Variants in ANK3 observed in about 807,000 individuals in gnomAD.
ANK3 encodes ankyrin-3.
A neutral mutation model predicts 370.9 loss-of-function variants in ANK3; 57 were observed. That is an observed-to-expected ratio of 0.15 (90% CI 0.12 to 0.19). The LOEUF (loss-of-function observed/expected upper bound fraction) is 0.19, where lower values mean the gene tolerates loss of function less well. ANK3 is among the 10% of genes least tolerant of loss of function. The probability of loss-of-function intolerance (pLI) is 1.00; values close to 1 mark genes in which losing one functional copy is unlikely to be tolerated. For missense variants in ANK3, 4,439 were observed against 5,302.1 expected (o/e 0.84, Z 5.06); for synonymous variants, 1,929 against 1,946.3 (o/e 0.99, Z 0.23).
At chr10:60,540,245 T>C (rs958502575) in intron 2 of ANK3, among the ~76,000 whole-genome samples, 3 of 151,776 alleles carry the variant, frequency 2.0e-5, no homozygotes, top group Non-Finnish European at 2.9e-5. Context: ...GTCGAGATAA[T>C]TGATCATCCA....
chr10:60,132,365 A>G (rs367759681), intron 25 of ANK3, among the ~76,000 whole-genome samples: 242 of 152,114 alleles, frequency 1.6e-3, no homozygotes, highest in African/African-American at 5.4e-3. Flanking sequence ...AGGGGCAGGT[A>G]TTTCCCGTGC....
intron 25 of ANK3, among the ~76,000 whole-genome samples, chr10:60,116,594 A>T (rs199995036): frequency 6.0e-4 from 14 of 23,272 alleles, no homozygotes; most frequent in South Asian, 5.2e-3. Context: ...ACTACTTATT[A>T]AAAAAAAAAG....
upstream of ANK3, among the ~76,000 whole-genome samples, chr10:60,393,635 T>C (rs1319943441): frequency 6.6e-6 from 1 of 152,174 alleles, no homozygotes; most frequent in African/African-American, 2.4e-5. Flanking sequence ...CAAGTATTTC[T>C]CCCCGCTCAT....
chr10:60,678,081 AG>A (rs1250436666), intron 1 of ANK3, among the ~76,000 whole-genome samples: 31 of 152,346 alleles, frequency 2.0e-4, no homozygotes, highest in African/African-American at 7.2e-4. Context: ...ACACAGACTG[AG>A]AACAAGGCAC....
chr10:60,645,051 T>G (rs928201072), intron 1 of ANK3, among the ~76,000 whole-genome samples: 7 of 152,096 alleles, frequency 4.6e-5, no homozygotes, highest in Non-Finnish European at 1.0e-4. Flanking sequence ...ACAAATATCT[T>G]AATGCTTTTT....
At chr10:60,230,934 T>C (rs2097233332) in intron 8 of ANK3, among the ~76,000 whole-genome samples, 1 of 151,136 alleles carries the variant, frequency 6.6e-6, no homozygotes, top group South Asian at 2.1e-4. Context: ...CTGTAATTCA[T>C]CATATCCTAG....
At chr10:60,237,750 C>T (rs2097356443) in intron 7 of ANK3, among the ~76,000 whole-genome samples, 1 of 152,050 alleles carries the variant, frequency 6.6e-6, no homozygotes, top group Admixed American at 6.6e-5. Flanking sequence ...CCTCTCTGGC[C>T]CTTCCTAGAG....
intron 1 of ANK3, among the ~76,000 whole-genome samples, chr10:60,684,148 G>A (rs936290237): frequency 6.6e-6 from 1 of 152,132 alleles, no homozygotes; most frequent in Non-Finnish European, 1.5e-5. Context: ...AAGAAAACAT[G>A]AATAATAATT....
intron 2 of ANK3, among the ~76,000 whole-genome samples, chr10:60,503,258 A>T (rs1342282964): frequency 6.6e-6 from 1 of 152,200 alleles, no homozygotes; most frequent in Admixed American, 6.5e-5. Flanking sequence ...TGCAACTTAT[A>T]AATTTAATTC....
chr10:60,310,622 G>C (rs962716474), intron 1 of ANK3, among the ~76,000 whole-genome samples: 1 of 152,098 alleles, frequency 6.6e-6, no homozygotes, highest in African/African-American at 2.4e-5. Context: ...TCAATGTGAC[G>C]GTGCATTAAG....
rs779141134 is a variant in ANK3 at position 60,135,756 on chromosome 10, T to C, written c.2739-1383A>G. Among the ~76,000 whole-genome samples, 144 of 152,224 alleles carry C rather than the reference T, an allele frequency of 9.5e-4. 1 individual carries two copies. Among genetic ancestry groups the C allele is most frequent in the Non-Finnish European group, 2.4e-4 (16 of 68,030 alleles). On this transcript the variant is annotated intron_variant, in intron 24 of 43. Transcript: ENST00000280772. ...GCATGAAACAATTTCTTTTCCCCAC[T>C]GCCTGCTATACTAAAGAAAATCAGA...
At chr10:60,468,455 T>A (rs1322987250) in intron 2 of ANK3, among the ~76,000 whole-genome samples, 2 of 152,140 alleles carry the variant, frequency 1.3e-5, no homozygotes, top group African/African-American at 4.8e-5. Flanking sequence ...TAGGCTGTAC[T>A]CATATTTAAG....
At chr10:60,388,124 G>C (rs2062674032) in intron 1 of ANK3, among the ~76,000 whole-genome samples, 1 of 152,022 alleles carries the variant, frequency 6.6e-6, no homozygotes, top group South Asian at 2.1e-4. Context: ...GCAAGGCTTT[G>C]AAATACGCCT....
chr10:60,441,987 C>T (rs1356828554), intron 2 of ANK3, among the ~76,000 whole-genome samples: 2 of 152,004 alleles, frequency 1.3e-5, no homozygotes, highest in Non-Finnish European at 2.9e-5. Flanking sequence ...TCTGCAACCA[C>T]GAGATTGGTT....
At chr10:60,459,001 T>A (rs182386813) in intron 2 of ANK3, among the ~76,000 whole-genome samples, 33 of 150,866 alleles carry the variant, frequency 2.2e-4, no homozygotes, top group African/African-American at 7.8e-4. Flanking sequence ...TATGGGAGAG[T>A]TTTTTAATAC....
intron 16 of ANK3, among the ~76,000 whole-genome samples, chr10:60,194,741 T>G (rs2096556764): frequency 2.0e-5 from 3 of 152,168 alleles, no homozygotes; most frequent in Admixed American, 2.0e-4. Context: ...CAAGTCACAT[T>G]GTGGTTTTGT....
intron 2 of ANK3, among the ~76,000 whole-genome samples, chr10:60,571,073 T>TTTTG (rs2077585497): frequency 7.3e-6 from 1 of 136,874 alleles, no homozygotes. Flanking sequence ...TTTTTTTTTT[T>TTTTG]GAGACCAGTG....
chr10:60,507,511 A>C (rs1427826633), intron 2 of ANK3: 2 of 152,106 alleles, frequency 1.3e-5, no homozygotes, highest in African/African-American at 4.8e-5. Context: ...CAATCTGAAA[A>C]CACACTTAGG....
At chr10:60,245,504 TTC>T (rs1234451031) in intron 7 of ANK3, among the ~76,000 whole-genome samples, 1 of 152,222 alleles carries the variant, frequency 6.6e-6, no homozygotes, top group Non-Finnish European at 1.5e-5. Context: ...CACTTCCCAT[TTC>T]TCTGTTTCCC....
Sources: allele counts gnomAD v4.1 joint callset (sites outside exome capture counted in the v4.1 genomes callset), GRCh38; gene constraint gnomAD v4.1.1; transcripts MANE v1.5; gene names NCBI Gene and HGNC (gene_info 2026-07-23, HGNC 2026-07-21).